Variants in BUB3 observed in about 807,000 individuals in gnomAD.
BUB3 encodes BUB3 mitotic checkpoint protein.
BUB3 carries 22 observed loss-of-function variants against 39.9 expected under a neutral mutation model. The observed-to-expected ratio is 0.55, with a 90% CI of 0.39 to 0.79. BUB3 has a LOEUF of 0.79. Ranked by LOEUF, BUB3 falls within the 30% of genes least tolerant of loss-of-function variation. The pLI is 0.00. For synonymous variants in BUB3, 168 were observed against 155.1 expected (o/e 1.08, Z -0.62); for missense variants, 303 against 415.4 (o/e 0.73, Z 2.35).
rs1844440765 is a variant in BUB3, at chr10:123,162,705, C to T, written c.848C>T (p.Ala283Val). Reference sequence around the variant, plus strand: ...TACCCCACGAGCATCGCATCACTTGCCTTCAGTAATGATGGGACTACGCTT... The same window carrying T: ...TACCCCACGAGCATCGCATCACTTGTCTTCAGTAATGATGGGACTACGCTT... ...HRYPTSIASL[A>V]FSNDGTTLAI... Residue 283 changes from alanine to valine, a missense_variant, in exon 7 of 8, where the codon GCC (alanine) becomes GTC (valine). Coordinates refer to ENST00000368865, the MANE Select transcript of BUB3 (RefSeq NM_004725.4). 6.2e-7 allele frequency: 1 copy of T among 1,612,740 alleles called. No homozygotes were observed. Among genetic ancestry groups the T allele is most frequent in the Non-Finnish European group, 8.5e-7 (1 of 1,179,626 alleles).
rs1844488617 is a variant in BUB3 at position 123,166,053 on chromosome 10, G to A, written c.*2218G>A. 1 of 152,104 alleles carries A rather than the reference G, an allele frequency of 6.6e-6. No homozygotes were observed. 9.4% of individuals were successfully genotyped at this position (152,104 alleles called of 1,614,324 possible). A position where few individuals can be genotyped will look rare whatever the true frequency, so the allele number is the denominator to read the frequency against. On this transcript the variant is annotated 3_prime_UTR_variant, in exon 8 of 8. Transcript: ENST00000368865. The stretch of plus-strand genomic sequence containing the variant: ...CCATCTGGATGTCCTCTTGTCTCTG[G>A]AAATCAAGTGTGCCTCCCTGCCATC...
In BUB3 at chr10:123,154,422, G is replaced by A. The variant is rs1189964541; in HGVS notation, c.-64G>A. On this transcript the variant is annotated 5_prime_UTR_variant, in exon 1 of 8. Coordinates refer to ENST00000368865, the MANE Select transcript of BUB3 (RefSeq NM_004725.4). The stretch of plus-strand genomic sequence containing the variant: ...CCTGCGAGTGTTCTGAGGGAAGCAA[G>A]GAGGCGGCGGCGGCCGCAGCGAGTG... 6.4e-6 allele frequency: 1 copy of A among 155,080 alleles called. No homozygotes were observed. Among genetic ancestry groups the A allele is most frequent in the African/African-American group, 2.4e-5 (1 of 41,478 alleles). The allele number at this position is 155,080 out of a possible 1,614,324, so 9.6% of individuals were successfully genotyped here.
chr10:123,167,691 T>C lies in BUB3; in HGVS notation c.*3856T>C, dbSNP rs929890434. 2 of 152,220 alleles carry C rather than the reference T, an allele frequency of 1.3e-5. No individual in the cohort carries two copies. Among genetic ancestry groups the C allele is most frequent in the South Asian group, 2.1e-4 (1 of 4,828 alleles). 9.4% of individuals were successfully genotyped at this position (152,220 alleles called of 1,614,324 possible). On this transcript the variant is annotated 3_prime_UTR_variant, in exon 8 of 8. Coordinates refer to ENST00000368865, the MANE Select transcript of BUB3 (RefSeq NM_004725.4). ...AGCATTTAGTGTCTTAGAAGTGATA[T>C]GTTTACTGCAGAAAAATTTGGATAG...
Position 123,165,181 on chromosome 10 carries a change from G to T in BUB3, c.*1346G>T. 8.7e-7 allele frequency: 1 copy of T among 1,149,244 alleles called. No homozygotes were observed. Among genetic ancestry groups the T allele is most frequent in the Non-Finnish European group, 1.3e-6 (1 of 778,058 alleles). The allele number at this position is 1,149,244 out of a possible 1,614,324, so 71.2% of individuals were successfully genotyped here. On this transcript the variant is annotated 3_prime_UTR_variant, in exon 8 of 8. Transcript: ENST00000368865. ...CTGTTTTCTGTCTTACAAGAAACTTGTCTATGTACCTTAATACTTTGTTTA... is the reference window on the plus strand; with the variant it reads ...CTGTTTTCTGTCTTACAAGAAACTTTTCTATGTACCTTAATACTTTGTTTA...
At chr10:123,162,042 A>C (rs1844430902) in intron 5 of BUB3, among the ~76,000 whole-genome samples, 194 bp from the exon 6 acceptor site, 1 of 152,236 alleles carries the variant, frequency 6.6e-6, no homozygotes, top group Non-Finnish European at 1.5e-5. Flanking sequence ...CTGTGAGGAA[A>C]GCATGTGATG....
At position 123,158,788 on chromosome 10, in the gene BUB3, A is replaced by G. The variant is rs573399751; in HGVS notation, c.417+908A>G. Among the ~76,000 whole-genome samples, 3 of 152,364 alleles carry G rather than the reference A, an allele frequency of 2.0e-5. No homozygotes were observed. In the East Asian group the frequency reaches 5.8e-4, roughly 29 times the overall value. ...TGTGATAAATTGCTGACAGAATATC[A>G]TATAATGGACAGCCACACTGAATCA... On this transcript the variant is annotated intron_variant, in intron 4 of 7. Coordinates refer to ENST00000368865, the MANE Select transcript of BUB3 (RefSeq NM_004725.4).
rs911234142 is a variant in BUB3 at position 123,165,404 on chromosome 10, A to G, written c.*1569A>G. 2.9e-5 allele frequency: 6 copies of G among 204,742 alleles called. No individual in the cohort carries two copies. The highest frequency in any genetic ancestry group is 1.4e-4 in the African/African-American group (6 of 43,496). 12.7% of individuals were successfully genotyped at this position (204,742 alleles called of 1,614,324 possible). ...TGAATGTTGGTAATTAATATAATTT[A>G]CTTAAAAAGGCTTGTGTAAGGCAAA... On this transcript the variant is annotated 3_prime_UTR_variant, in exon 8 of 8. Coordinates refer to ENST00000368865, the MANE Select transcript of BUB3 (RefSeq NM_004725.4).
Position 123,155,043 on chromosome 10 carries a change from C to T in BUB3, c.126C>T (p.Tyr42=), listed in dbSNP as rs761154334. 1.1e-5 allele frequency: 18 copies of T among 1,614,078 alleles called. No homozygotes were observed. Among genetic ancestry groups the T allele is most frequent in the Non-Finnish European group, 1.5e-5 (18 of 1,180,044 alleles). ...VSSWDTSVRL[Y]DVPANSMRLK... ...CCTGGGACACGTCCGTGCGTCTCTA[C>T]GATGTGCCGGCCAACTCCATGCGGC... is the stretch of plus-strand genomic sequence containing the variant. The change falls in exon 2 of 8, where the codon TAC becomes TAT. Residue 42 remains tyrosine (Y), a synonymous_variant. Transcript: ENST00000368865.
At chr10:123,163,584 T>A (rs1296947700) in intron 7 of BUB3, among the ~76,000 whole-genome samples, 1 of 152,242 alleles carries the variant, frequency 6.6e-6, no homozygotes, top group Non-Finnish European at 1.5e-5. Context: ...TCCTGTACTT[T>A]GCTGAGTTAA....
chr10:123,165,356 A>G lies in BUB3; in HGVS notation c.*1521A>G, dbSNP rs1362795907. 3.4e-6 allele frequency: 1 copy of G among 296,176 alleles called. No individual in the cohort carries two copies. The highest frequency in any genetic ancestry group is 6.2e-6 in the Non-Finnish European group (1 of 161,532). 18.3% of individuals were successfully genotyped at this position (296,176 alleles called of 1,614,324 possible). ...TTCTGTGCTAATAAACGAGATGCAG[A>G]ACCCTTGAATGTTGGATGTTTTTGA... is the stretch of plus-strand genomic sequence containing the variant. On this transcript the variant is annotated 3_prime_UTR_variant, in exon 8 of 8. Coordinates refer to ENST00000368865, the MANE Select transcript of BUB3 (RefSeq NM_004725.4).
Position 123,164,670 on chromosome 10 carries a change from A to G in BUB3, c.*835A>G, listed in dbSNP as rs936294324. ...TTTTGGAAACATTAATGAGGTTTAC[A>G]TATTTCTCTGACATTTATATAGTTC... is the stretch of plus-strand genomic sequence containing the variant. On this transcript the variant is annotated 3_prime_UTR_variant, in exon 8 of 8. Coordinates refer to ENST00000368865, the MANE Select transcript of BUB3 (RefSeq NM_004725.4). 4 of 1,008,934 alleles carry G rather than the reference A, an allele frequency of 4.0e-6. No homozygotes were observed. Among genetic ancestry groups the G allele is most frequent in the Admixed American group, 5.6e-5 (1 of 17,956 alleles). The allele number at this position is 1,008,934 out of a possible 1,614,324, so 62.5% of individuals were successfully genotyped here.
In BUB3 at chr10:123,164,300, A is replaced by G; in HGVS notation, c.*465A>G. The G allele has an allele frequency of 1.0e-6, 1 of 986,282 alleles. No individual in the cohort carries two copies. The allele number at this position is 986,282 out of a possible 1,614,324, so 61.1% of individuals were successfully genotyped here. A position where few individuals can be genotyped will look rare whatever the true frequency, so the allele number is the denominator to read the frequency against. ...CATGAGGAGGTTAATCTACAATTAA[A>G]CAATATTTCCTCTTGGCCGTCCATT... On this transcript the variant is annotated 3_prime_UTR_variant, in exon 8 of 8. Transcript: ENST00000368865.
chr10:123,157,457 A>G (rs1381941804), intron 3 of BUB3, among the ~76,000 whole-genome samples: 1 of 152,226 alleles, frequency 6.6e-6, no homozygotes, highest in South Asian at 2.1e-4. Context: ...ACATGCCACT[A>G]TGTTAATGTA....
intron 5 of BUB3, among the ~76,000 whole-genome samples, chr10:123,161,785 C>T (rs1412263199): frequency 6.6e-6 from 1 of 152,208 alleles, no homozygotes; most frequent in Non-Finnish European, 1.5e-5. Context: ...AGTAGTATGA[C>T]TGAGATGGAA....
rs189068149 is a variant in BUB3 at position 123,158,583 on chromosome 10, C to T, written c.417+703C>T. ...GGTATCCCTCACTTGAGTCTATTTCCTCAGCGTGAATATACTATTCAATTC... is the reference window on the plus strand; with the variant it reads ...GGTATCCCTCACTTGAGTCTATTTCTTCAGCGTGAATATACTATTCAATTC... On this transcript the variant is annotated intron_variant, in intron 4 of 7. Coordinates refer to ENST00000368865, the MANE Select transcript of BUB3 (RefSeq NM_004725.4). 9.9e-5 allele frequency among the ~76,000 whole-genome samples: 15 copies of T among 152,252 alleles called. No homozygotes were observed. The East Asian group carries it at 2.9e-3, about 29-fold the overall frequency.
chr10:123,164,968 C>CTT lies in BUB3; in HGVS notation c.*1143_*1144dup. ...TAATTCTTTTGATACAGAGAAGGGTCTTTTTTTTTTTAAGTATTTCAGTGA... is the reference window on the plus strand; with the variant it reads ...TAATTCTTTTGATACAGAGAAGGGTCTTTTTTTTTTTTTAAGTATTTCAGTGA... On this transcript the variant is annotated 3_prime_UTR_variant, in exon 8 of 8. Coordinates refer to ENST00000368865, the MANE Select transcript of BUB3 (RefSeq NM_004725.4). The CTT allele has an allele frequency of 2.2e-5, 29 of 1,330,020 alleles. No homozygotes were observed. The highest frequency in any genetic ancestry group is 2.0e-4 in the Middle Eastern group (1 of 5,068). The allele number at this position is 1,330,020 out of a possible 1,614,324, so 82.4% of individuals were successfully genotyped here.
Position 123,157,760 on chromosome 10 carries a change from C to T in BUB3, c.297C>T (p.Ile99=), listed in dbSNP as rs1164323170. 6.2e-7 allele frequency: 1 copy of T among 1,609,880 alleles called. No individual in the cohort carries two copies. Residue 99 remains isoleucine (I), a synonymous_variant, in exon 4 of 8, where the codon ATC becomes ATT. Coordinates refer to ENST00000368865, the MANE Select transcript of BUB3 (RefSeq NM_004725.4). Reference sequence around the variant, plus strand: ...TTGTTGGGACCCATGATGCCCCTATCAGATGTGTTGAATACTGTCCAGAAG... The same window carrying T: ...TTGTTGGGACCCATGATGCCCCTATTAGATGTGTTGAATACTGTCCAGAAG... ...ENLVGTHDAP[I]RCVEYCPEVN...
chr10:123,163,203 T>G (rs1844447912), intron 7 of BUB3: 1 of 214,562 alleles, frequency 4.7e-6, no homozygotes, highest in South Asian at 7.4e-5. Context: ...CAAAAATCTT[T>G]CCTCTCCACA....
intron 4 of BUB3, 45 bp downstream of exon 4, chr10:123,157,925 A>C: frequency 6.4e-7 from 1 of 1,552,112 alleles, no homozygotes; most frequent in Non-Finnish European, 8.7e-7. Context: ...TTTTGGGGTG[A>C]TTTTTGTCTT....
Sources: gnomAD v4.1 joint callset for allele counts (sites outside exome capture counted in the v4.1 genomes callset) on GRCh38, gnomAD v4.1.1 for gene constraint, MANE v1.5 for transcripts, NCBI Gene and HGNC (gene_info 2026-07-23, HGNC 2026-07-21) for gene names.